The following MAT1A variants were observed in gnomAD, a reference collection of about 807,000 sequenced individuals.
MAT1A encodes S-adenosylmethionine synthase isoform type-1.
A neutral mutation model predicts 44.0 loss-of-function variants in MAT1A; 19 were observed. The ratio of observed to expected loss-of-function variants is 0.43; its 90% CI spans 0.30 to 0.63. MAT1A has a LOEUF of 0.63. MAT1A is among the 30% of genes least tolerant of loss of function. The pLI is 0.12. For missense variants in MAT1A, 397 were observed against 531.0 expected (o/e 0.75, Z 2.48); for synonymous variants, 205 against 205.6 (o/e 1.00, Z 0.03).
At chr10:80,286,859 G>T (rs1819684) in intron 1 of MAT1A, among the ~76,000 whole-genome samples, 11,261 of 152,264 alleles carry the variant, frequency 0.074, 438 homozygotes, top group Non-Finnish European at 0.085. Context: ...GTTAAATTCT[G>T]TAATTAAAGA....
At position 80,280,170 on chromosome 10, in the gene MAT1A, C is replaced by G. The variant is rs770869991; in HGVS notation, c.549+3G>C. The G allele has an allele frequency of 2.5e-6, 4 of 1,613,928 alleles. No individual in the cohort carries two copies. Among genetic ancestry groups the G allele is most frequent in the Non-Finnish European group, 3.4e-6 (4 of 1,180,026 alleles). On this transcript the variant is annotated splice_donor_region_variant and intron_variant, in intron 5 of 8. Coordinates refer to ENST00000372213, the MANE Select transcript of MAT1A (RefSeq NM_000429.3). The stretch of plus-strand genomic sequence containing the variant: ...GCTCTCCTGGGGTAATTCAGCTGCT[C>G]ACCTGAGTCTTAGAGTCAGGCCGCA...
Position 80,283,952 on chromosome 10 carries a change from T to C in MAT1A, c.256A>G (p.Thr86Ala), listed in dbSNP as rs1244464423. ...TCATCGTAGCCGATGTGCTTGATGGTGTCCCTCACCACCCGCTGGTAGTCC... is the reference window on the plus strand; with the variant it reads ...TCATCGTAGCCGATGTGCTTGATGGCGTCCCTCACCACCCGCTGGTAGTCC... ...MVDYQRVVRD[T>A]IKHIGYDDSA... Residue 86 changes from threonine to alanine, a missense_variant, in exon 3 of 9, where the codon ACC (threonine) becomes GCC (alanine). Coordinates refer to ENST00000372213, the MANE Select transcript of MAT1A (RefSeq NM_000429.3). 1.2e-6 allele frequency: 2 copies of C among 1,614,094 alleles called. No individual in the cohort carries two copies. The highest frequency in any genetic ancestry group is 2.7e-5 in the African/African-American group (2 of 74,944).
intron 5 of MAT1A, among the ~76,000 whole-genome samples, chr10:80,279,777 G>A (rs373783026): frequency 2.8e-5 from 2 of 71,504 alleles, no homozygotes; most frequent in African/African-American, 7.0e-5. Flanking sequence ...AGCACAGACA[G>A]CGCAGACACA....
chr10:80,278,762 A>C (rs368310542), intron 5 of MAT1A, among the ~76,000 whole-genome samples: 1 of 152,240 alleles, frequency 6.6e-6, no homozygotes, highest in East Asian at 1.9e-4. Context: ...TCTCTGTACA[A>C]CTGGAGTTGT....
intron 1 of MAT1A, 114 bp from the exon 2 acceptor site, chr10:80,285,703 G>A: frequency 1.4e-6 from 1 of 730,758 alleles, no homozygotes; most frequent in South Asian, 1.5e-5. Context: ...ATCTACCAGA[G>A]GGAAAACACT....
intron 1 of MAT1A, among the ~76,000 whole-genome samples, chr10:80,286,015 G>C (rs529514401): frequency 7.2e-5 from 11 of 152,082 alleles, no homozygotes; most frequent in Non-Finnish European, 1.5e-4. Flanking sequence ...TTTCAGTAGA[G>C]ATGGCGTTTC....
chr10:80,277,650 T>G (rs1041774315), intron 5 of MAT1A, among the ~76,000 whole-genome samples: 5 of 152,158 alleles, frequency 3.3e-5, no homozygotes, highest in Admixed American at 3.3e-4. Context: ...CTGGGTCTAG[T>G]CTGCATGGAG....
At position 80,273,592 on chromosome 10, in the gene MAT1A, A is replaced by G; in HGVS notation, c.*189T>C. On this transcript the variant is annotated 3_prime_UTR_variant, in exon 9 of 9. Coordinates refer to ENST00000372213, the MANE Select transcript of MAT1A (RefSeq NM_000429.3). Reference sequence around the variant, plus strand: ...ATGCCCATCCTTACATCAAGATCCAACCTCCAGCACCAGGAAGCCCCTGCC... The same window carrying G: ...ATGCCCATCCTTACATCAAGATCCAGCCTCCAGCACCAGGAAGCCCCTGCC... 2 of 623,306 alleles carry G rather than the reference A, an allele frequency of 3.2e-6. No individual in the cohort carries two copies. The highest frequency in any genetic ancestry group is 2.8e-5 in the East Asian group (1 of 36,040). 38.6% of individuals were successfully genotyped at this position (623,306 alleles called of 1,614,324 possible). A position where few individuals can be genotyped will look rare whatever the true frequency, so the allele number is the denominator to read the frequency against.
At chr10:80,287,173 G>C (rs1470169255) in intron 1 of MAT1A, among the ~76,000 whole-genome samples, 3 of 152,196 alleles carry the variant, frequency 2.0e-5, no homozygotes, top group African/African-American at 7.2e-5. Context: ...CAGCTCACAG[G>C]CTCCCACTCT....
At chr10:80,280,883 C>A in intron 3 of MAT1A, 91 bp from the exon 4 acceptor site, 1 of 921,516 alleles carries the variant, frequency 1.1e-6, no homozygotes, top group South Asian at 1.3e-5. Flanking sequence ...CCTGACATGC[C>A]ATTTGGTGTC....
chr10:80,275,905 C>T (rs1841478517), intron 6 of MAT1A, among the ~76,000 whole-genome samples: 1 of 152,240 alleles, frequency 6.6e-6, no homozygotes, highest in Admixed American at 6.5e-5. Context: ...CTCACACTTG[C>T]AGTACAAGAG....
At chr10:80,282,774 G>T (rs1156472587) in intron 3 of MAT1A, among the ~76,000 whole-genome samples, 1 of 152,162 alleles carries the variant, frequency 6.6e-6, no homozygotes, top group Non-Finnish European at 1.5e-5. Context: ...GAACCTCTGC[G>T]AGTCTGCACC....
intron 7 of MAT1A, 129 bp downstream of exon 7, chr10:80,274,888 A>G: frequency 7.8e-7 from 1 of 1,290,238 alleles, no homozygotes; most frequent in East Asian, 2.5e-5. Flanking sequence ...AGTGCCCAAC[A>G]CAATCACACA....
rs7087728 is a variant in MAT1A, at chr10:80,273,714, G to A, written c.*67C>T. The A allele has an allele frequency of 0.19, 215,797 of 1,141,262 alleles. 22,619 individuals carry two copies. The highest frequency in any genetic ancestry group is 0.29 in the Admixed American group (17,265 of 59,346). 70.7% of individuals were successfully genotyped at this position (1,141,262 alleles called of 1,614,324 possible). A position where few individuals can be genotyped will look rare whatever the true frequency, so the allele number is the denominator to read the frequency against. ...TGGGGAAGGCGATCAGCAGCCAGGC[G>A]TCTGGGGAAGAGGAGCATGGCCACC... On this transcript the variant is annotated 3_prime_UTR_variant, in exon 9 of 9. Coordinates refer to ENST00000372213, the MANE Select transcript of MAT1A (RefSeq NM_000429.3).
intron 5 of MAT1A, among the ~76,000 whole-genome samples, chr10:80,278,174 AG>A (rs1284113045): frequency 6.6e-6 from 1 of 152,206 alleles, no homozygotes; most frequent in African/African-American, 2.4e-5. Context: ...TGCCTGTGGC[AG>A]GGAAGTGAGG....
At chr10:80,289,197 C>A in intron 1 of MAT1A, 136 bp downstream of exon 1, 1 of 765,468 alleles carries the variant, frequency 1.3e-6, no homozygotes, top group Non-Finnish European at 2.3e-6. Flanking sequence ...ATGTTATACT[C>A]ATGGATCAAA....
At position 80,280,194 on chromosome 10, in the gene MAT1A, C is replaced by T; in HGVS notation, c.528G>A (p.Leu176=). The change falls in exon 5 of 9, where the codon CTG becomes CTA. Residue 176 remains leucine (L), a synonymous_variant. Transcript: ENST00000372213. The part of the protein sequence containing the change: ...DLRRSGLLPW[L]RPDSKTQVTV... Reference sequence around the variant, plus strand: ...TCACCTGAGTCTTAGAGTCAGGCCGCAGCCAGGGGAGGAGGCCGGAGCGCC... The same window carrying T: ...TCACCTGAGTCTTAGAGTCAGGCCGTAGCCAGGGGAGGAGGCCGGAGCGCC... 6.2e-7 allele frequency: 1 copy of T among 1,614,112 alleles called. No individual in the cohort carries two copies. The highest frequency in any genetic ancestry group is 8.5e-7 in the Non-Finnish European group (1 of 1,180,026).
chr10:80,286,335 G>A (rs1174621672), intron 1 of MAT1A, among the ~76,000 whole-genome samples: 1 of 152,088 alleles, frequency 6.6e-6, no homozygotes, highest in Non-Finnish European at 1.5e-5. Flanking sequence ...CAGCTGCATT[G>A]CATGGCAGGT....
intron 3 of MAT1A, among the ~76,000 whole-genome samples, chr10:80,281,913 T>G (rs946059998): frequency 1.3e-5 from 2 of 152,076 alleles, no homozygotes; most frequent in Non-Finnish European, 2.9e-5. Flanking sequence ...CCACCCCACA[T>G]GCCCAAACCC....
Sources: gnomAD v4.1 joint callset for allele counts (sites outside exome capture counted in the v4.1 genomes callset) on GRCh38, gnomAD v4.1.1 for gene constraint, MANE v1.5 for transcripts, NCBI Gene and HGNC (gene_info 2026-07-23, HGNC 2026-07-21) for gene names.